ENPP3: variants seen among roughly 807,000 people sequenced by gnomAD.
The protein encoded by ENPP3 is ectonucleotide pyrophosphatase/phosphodiesterase 3, also known as ectonucleotide pyrophosphatase/phosphodiesterase family member 3.
ENPP3 carries 104 observed loss-of-function variants against 117.8 expected under a neutral mutation model. The observed-to-expected ratio is 0.88, with a 90% CI of 0.75 to 1.04. ENPP3 has a LOEUF of 1.04. ENPP3 is among the 50% of genes least tolerant of loss of function. The probability of loss-of-function intolerance (pLI) is 0.00; values close to 1 mark genes in which losing one functional copy is unlikely to be tolerated. For missense variants in ENPP3, 1,026 were observed against 1,051.9 expected, an observed-to-expected ratio of 0.98 and a Z score of 0.34; for synonymous variants, 380 against 349.9, an observed-to-expected ratio of 1.09 and a Z score of -0.96.
chr6:131,733,540 G>T (rs1403544976), intron 20 of ENPP3, 48 bp from the exon 21 acceptor site: 1 of 1,590,240 alleles, frequency 6.3e-7, no homozygotes, highest in Non-Finnish European at 8.6e-7. Context: ...AAGGCAATGG[G>T]TGAGCCGCAA....
intron 11 of ENPP3, among the ~76,000 whole-genome samples, chr6:131,681,698 C>G (rs949176339): frequency 7.2e-5 from 11 of 152,136 alleles, no homozygotes; most frequent in African/African-American, 2.7e-4. Flanking sequence ...GATATATTTC[C>G]TTATAGTTTT....
At chr6:131,664,121 G>A (rs772606739) in intron 6 of ENPP3, among the ~76,000 whole-genome samples, 3 of 152,072 alleles carry the variant, frequency 2.0e-5, no homozygotes, top group South Asian at 2.1e-4. Flanking sequence ...AGGTTTTTCA[G>A]GAGGTATTTC....
intron 7 of ENPP3, among the ~76,000 whole-genome samples, chr6:131,672,992 A>T (rs1778778361): frequency 6.6e-6 from 1 of 152,150 alleles, no homozygotes; most frequent in African/African-American, 2.4e-5. Context: ...AGGATATTTG[A>T]TATACAGAAA....
At chr6:131,718,845 A>G (rs1361896368) in intron 16 of ENPP3, 107 bp downstream of exon 16, 23 of 619,774 alleles carry the variant, frequency 3.7e-5, no homozygotes, top group Non-Finnish European at 5.9e-5. Flanking sequence ...GGTTTGTCAT[A>G]CAGATTATTT....
intron 19 of ENPP3, among the ~76,000 whole-genome samples, chr6:131,724,949 C>T (rs1342385496): frequency 6.6e-6 from 1 of 151,446 alleles, no homozygotes; most frequent in Non-Finnish European, 1.5e-5. Context: ...TGGCTCACAC[C>T]TGTAATCCCA....
At chr6:131,668,621 G>A (rs919597912) in intron 6 of ENPP3, among the ~76,000 whole-genome samples, 2 of 151,762 alleles carry the variant, frequency 1.3e-5, no homozygotes, top group Non-Finnish European at 2.9e-5. Flanking sequence ...AGTTGCATAG[G>A]CTTATCTCAT....
chr6:131,648,075 A>G (rs1348051457), intron 2 of ENPP3, among the ~76,000 whole-genome samples: 1 of 152,096 alleles, frequency 6.6e-6, no homozygotes, highest in Non-Finnish European at 1.5e-5. Context: ...TTGTGAATTT[A>G]TACTACGAAC....
chr6:131,736,294 C>T (rs939054763), intron 21 of ENPP3, among the ~76,000 whole-genome samples: 6 of 152,186 alleles, frequency 3.9e-5, no homozygotes, highest in Non-Finnish European at 7.3e-5. Flanking sequence ...TAAAGGCATA[C>T]CTGAGACTGG....
At chr6:131,653,987 C>T (rs781086832) in intron 5 of ENPP3, among the ~76,000 whole-genome samples, 4 of 152,138 alleles carry the variant, frequency 2.6e-5, no homozygotes, top group African/African-American at 4.8e-5. Context: ...TTTCTCCATC[C>T]ACCCCTCTGC....
intron 14 of ENPP3, among the ~76,000 whole-genome samples, chr6:131,693,244 T>A (rs1261935427): frequency 6.6e-6 from 1 of 151,730 alleles, no homozygotes. Context: ...TGGGGTGATC[T>A]TGGCTCACTG....
At position 131,699,184 on chromosome 6, in the gene ENPP3, G is replaced by A. The variant is rs1288825879; in HGVS notation, c.1412+5560G>A. Among the ~76,000 whole-genome samples, 9 of 137,808 alleles carry A rather than the reference G, an allele frequency of 6.5e-5. No individual in the cohort carries two copies. In the Admixed American group the frequency reaches 7.0e-4, roughly 11 times the overall value. 90.4% of individuals were successfully genotyped at this position (137,808 alleles called of 152,430 possible). A position where few individuals can be genotyped will look rare whatever the true frequency, so the allele number is the denominator to read the frequency against. On this transcript the variant is annotated intron_variant, in intron 15 of 24. Coordinates refer to ENST00000357639, the MANE Select transcript of ENPP3 (RefSeq NM_005021.5). ...ACCCAGGAGGCAGAGGTTGCGGTGA[G>A]CCGAGATTGCACCACTGCACTCCAG...
chr6:131,738,973 C>A (rs1314155641), intron 23 of ENPP3, among the ~76,000 whole-genome samples: 1 of 152,056 alleles, frequency 6.6e-6, no homozygotes, highest in African/African-American at 2.4e-5. Flanking sequence ...TTGACTCTAC[C>A]TTTCACAATT....
chr6:131,671,372 G>T, intron 7 of ENPP3, 45 bp downstream of exon 7: 2 of 1,134,344 alleles, frequency 1.8e-6, no homozygotes, highest in South Asian at 2.6e-5. Flanking sequence ...GACCAGAACT[G>T]ACCACATAAA....
chr6:131,737,254 G>A, intron 21 of ENPP3, 101 bp from the exon 22 acceptor site: 1 of 704,348 alleles, frequency 1.4e-6, no homozygotes, highest in South Asian at 2.1e-5. Context: ...TGCTTTGACT[G>A]TTAATAAATT....
intron 8 of ENPP3, among the ~76,000 whole-genome samples, chr6:131,674,716 C>T (rs939797172): frequency 3.3e-5 from 5 of 151,682 alleles, no homozygotes; most frequent in African/African-American, 7.3e-5. Flanking sequence ...ACTACAGGCA[C>T]GCACCACCAC....
intron 2 of ENPP3, among the ~76,000 whole-genome samples, chr6:131,643,509 T>G (rs1220964906): frequency 2.0e-5 from 3 of 152,122 alleles, no homozygotes; most frequent in Non-Finnish European, 4.4e-5. Context: ...CATTGGTAAT[T>G]AACTCCAGCC....
chr6:131,642,975 A>G (rs1585608518), intron 2 of ENPP3: 1 of 152,156 alleles, frequency 6.6e-6, no homozygotes, highest in Non-Finnish European at 1.5e-5. Flanking sequence ...CTCTGGCCCC[A>G]TTTTTAAATT....
At chr6:131,678,853 C>T (rs1320343253) in intron 11 of ENPP3, among the ~76,000 whole-genome samples, 1 of 152,120 alleles carries the variant, frequency 6.6e-6, no homozygotes, top group Non-Finnish European at 1.5e-5. Context: ...TTACTCTAAG[C>T]GTGAACTATC....
intron 3 of ENPP3, 65 bp from the exon 4 acceptor site, chr6:131,652,477 A>C (rs1778283467): frequency 3.3e-6 from 5 of 1,492,594 alleles, no homozygotes; most frequent in Non-Finnish European, 4.6e-6. Flanking sequence ...GGAATAAATA[A>C]ATGAAATTTG....
Sources: gnomAD v4.1 joint callset for allele counts (sites outside exome capture counted in the v4.1 genomes callset) on GRCh38, gnomAD v4.1.1 for gene constraint, MANE v1.5 for transcripts, NCBI Gene and HGNC (gene_info 2026-07-23, HGNC 2026-07-21) for gene names.